Variants in CTNND2 observed in about 807,000 individuals in gnomAD.
CTNND2 encodes catenin delta 2.
CTNND2 carries 22 observed loss-of-function variants against 144.4 expected under a neutral mutation model. The ratio of observed to expected loss-of-function variants is 0.15; its 90% CI spans 0.11 to 0.22. The LOEUF (loss-of-function observed/expected upper bound fraction) is 0.22. Ranked by LOEUF, CTNND2 falls within the 10% of genes least tolerant of loss-of-function variation. The pLI is 1.00. For synonymous variants in CTNND2, 751 were observed against 695.6 expected (o/e 1.08, Z -1.25); for missense variants, 1,353 against 1,618.8 (o/e 0.84, Z 2.82).
At chr5:11,513,445 C>T (rs1284735842) in intron 3 of CTNND2, among the ~76,000 whole-genome samples, 1 of 152,172 alleles carries the variant, frequency 6.6e-6, no homozygotes, top group Non-Finnish European at 1.5e-5. Flanking sequence ...AGGGTTTGAT[C>T]AATGTGATCA....
chr5:11,847,111 T>A (rs1794770853), intron 1 of CTNND2, among the ~76,000 whole-genome samples: 1 of 125,916 alleles, frequency 7.9e-6, no homozygotes, highest in Non-Finnish European at 1.7e-5. Context: ...GGAAATAAAA[T>A]CAGTATGTCA....
chr5:11,052,095 G>A (rs984924777), intron 16 of CTNND2, among the ~76,000 whole-genome samples: 4 of 152,132 alleles, frequency 2.6e-5, no homozygotes, highest in African/African-American at 9.7e-5. Context: ...AAGCTGGGGT[G>A]GAGGAATTGA....
chr5:11,653,070 C>CGT (rs58056553), intron 2 of CTNND2, among the ~76,000 whole-genome samples: 14,671 of 143,204 alleles, frequency 0.1, 758 homozygotes, highest in East Asian at 0.15. Context: ...GAACAAAATT[C>CGT]GTGTGTGTGT....
intron 16 of CTNND2, among the ~76,000 whole-genome samples, chr5:11,080,847 G>T (rs993821545): frequency 6.6e-6 from 1 of 152,126 alleles, no homozygotes; most frequent in Non-Finnish European, 1.5e-5. Flanking sequence ...AGGCCGAGGT[G>T]GGTGGATTAC....
At chr5:11,735,881 G>A (rs1185361801) in intron 1 of CTNND2, among the ~76,000 whole-genome samples, 1 of 152,114 alleles carries the variant, frequency 6.6e-6, no homozygotes, top group Admixed American at 6.6e-5. Context: ...GCATGAGAAT[G>A]GACTAATACA....
At chr5:11,169,872 T>C (rs996932550) in intron 11 of CTNND2, among the ~76,000 whole-genome samples, 3 of 152,056 alleles carry the variant, frequency 2.0e-5, no homozygotes, top group Non-Finnish European at 2.9e-5. Flanking sequence ...GATGAAGATA[T>C]GGTGGCAGAG....
chr5:11,336,689 T>C (rs1753756714), intron 9 of CTNND2, among the ~76,000 whole-genome samples: 1 of 152,226 alleles, frequency 6.6e-6, no homozygotes, highest in Non-Finnish European at 1.5e-5. Context: ...TGTGTACACA[T>C]ACTACATAGA....
Position 10,987,013 on chromosome 5 carries a change from C to T in CTNND2, c.3343+1098G>A, listed in dbSNP as rs575312116. Among the ~76,000 whole-genome samples, 13 of 152,328 alleles carry T rather than the reference C, an allele frequency of 8.5e-5. No individual in the cohort carries two copies. The South Asian group carries it at 1.9e-3, about 22-fold the overall frequency. ...CTCAGTGTCTGCACGGCGCCCTTTG[C>T]GCCCCAGCTTTATGAATGCTCTAAC... On this transcript the variant is annotated intron_variant, in intron 20 of 21. Transcript: ENST00000304623.
intron 18 of CTNND2, among the ~76,000 whole-genome samples, chr5:10,993,872 T>C (rs1401026360): frequency 6.6e-6 from 1 of 152,140 alleles, no homozygotes; most frequent in Non-Finnish European, 1.5e-5. Flanking sequence ...AATTCATCTA[T>C]TTATGTTTTC....
At chr5:11,476,820 T>G (rs1767790554) in intron 3 of CTNND2, among the ~76,000 whole-genome samples, 1 of 152,242 alleles carries the variant, frequency 6.6e-6, no homozygotes, top group Non-Finnish European at 1.5e-5. Flanking sequence ...GGCATACTGT[T>G]GAAATCATGG....
chr5:11,886,945 C>G (rs1736579658), intron 1 of CTNND2, among the ~76,000 whole-genome samples: 1 of 140,346 alleles, frequency 7.1e-6, no homozygotes, highest in Admixed American at 7.1e-5. Flanking sequence ...TTCCAAGCCA[C>G]TATCAAATAA....
At chr5:11,826,262 A>G (rs2126952014) in intron 1 of CTNND2, among the ~76,000 whole-genome samples, 1 of 152,220 alleles carries the variant, frequency 6.6e-6, no homozygotes, top group Non-Finnish European at 1.5e-5. Flanking sequence ...TATAAGCCAC[A>G]GTGCAATATA....
chr5:11,009,606 T>C (rs1740845441), intron 18 of CTNND2, among the ~76,000 whole-genome samples: 1 of 152,262 alleles, frequency 6.6e-6, no homozygotes, highest in South Asian at 2.1e-4. Flanking sequence ...GCTCCTGATC[T>C]GGTCCTTTGA....
intron 10 of CTNND2, among the ~76,000 whole-genome samples, chr5:11,222,264 G>C (rs1245407202): frequency 6.6e-6 from 1 of 152,192 alleles, no homozygotes; most frequent in Non-Finnish European, 1.5e-5. Context: ...GTGATATTTA[G>C]CAAACCCAGA....
chr5:11,124,319 T>C (rs10073461), intron 12 of CTNND2, among the ~76,000 whole-genome samples: 187 of 152,362 alleles, frequency 1.2e-3, no homozygotes, highest in African/African-American at 4.3e-3. Flanking sequence ...CTTTGGAGTT[T>C]GATGCCTATA....
At chr5:11,272,900 C>T (rs758766877) in intron 9 of CTNND2, among the ~76,000 whole-genome samples, 3 of 152,148 alleles carry the variant, frequency 2.0e-5, no homozygotes, top group Admixed American at 6.5e-5. Flanking sequence ...TGGACCACCT[C>T]CTTTTATTGT....
chr5:11,067,975 G>A (rs1435619065), intron 16 of CTNND2, among the ~76,000 whole-genome samples: 2 of 152,122 alleles, frequency 1.3e-5, no homozygotes, highest in Non-Finnish European at 2.9e-5. Context: ...GACATTAGTG[G>A]CAATGTTGGC....
intron 10 of CTNND2, among the ~76,000 whole-genome samples, chr5:11,230,282 G>T (rs1740858204): frequency 6.6e-6 from 1 of 150,394 alleles, no homozygotes; most frequent in East Asian, 2.0e-4. Context: ...ACGAGTTAGT[G>T]GGTGCAGCGC....
At position 11,224,990 on chromosome 5, in the gene CTNND2, G is replaced by A. The variant is rs1261465369; in HGVS notation, c.1761+11701C>T. ...CTTTTACATCTTCCTGCTGTGAAGT[G>A]TGATATATGAAATGGTGTCTCTGTG... is the stretch of plus-strand genomic sequence containing the variant. On this transcript the variant is annotated intron_variant, in intron 10 of 21. Transcript: ENST00000304623. Among the ~76,000 whole-genome samples the A allele has an allele frequency of 2.0e-5, 3 of 152,004 alleles. No homozygotes were observed. The East Asian group carries it at 5.8e-4, about 29-fold the overall frequency.
Sources: allele counts gnomAD v4.1 joint callset (sites outside exome capture counted in the v4.1 genomes callset), GRCh38; gene constraint gnomAD v4.1.1; transcripts MANE v1.5; gene names NCBI Gene and HGNC (gene_info 2026-07-23, HGNC 2026-07-21).